The following PTK2 variants were observed in gnomAD, a reference collection of about 807,000 sequenced individuals.
PTK2 encodes the protein protein tyrosine kinase 2, also known as focal adhesion kinase 1.
In PTK2, 45 loss-of-function variants were observed where a neutral mutation model predicts 150.1. The observed-to-expected ratio is 0.30, with a 90% CI of 0.24 to 0.38. The LOEUF (loss-of-function observed/expected upper bound fraction) is 0.38. Ranked by LOEUF, PTK2 falls within the 10% of genes least tolerant of loss-of-function variation. The pLI is 1.00. For synonymous variants in PTK2, 432 were observed against 449.2 expected (o/e 0.96, Z 0.48); for missense variants, 919 against 1,307.3 (o/e 0.70, Z 4.58).
chr8:140,735,592 A>G (rs563050374), intron 21 of PTK2, 137 bp from the exon 25 acceptor site: 131 of 689,442 alleles, frequency 1.9e-4, no homozygotes, highest in Non-Finnish European at 2.7e-4. Context: ...AAGCAGCATT[A>G]TATTAACTCT....
chr8:140,810,490 A>G (rs2100100834), intron 10 of PTK2, among the ~76,000 whole-genome samples: 2 of 152,196 alleles, frequency 1.3e-5, no homozygotes, highest in African/African-American at 4.8e-5. Context: ...TAGCCCCTGC[A>G]GTGGCTGACC....
At chr8:141,000,087 T>TCATTCA in intron 1 of PTK2, among the ~76,000 whole-genome samples, 1 of 81,608 alleles carries the variant, frequency 1.2e-5, no homozygotes, top group Admixed American at 1.3e-4. Flanking sequence ...TGAAACCAAT[T>TCATTCA]CACACACACA....
At chr8:140,982,102 A>T (rs1260437294) in intron 1 of PTK2, among the ~76,000 whole-genome samples, 1 of 151,956 alleles carries the variant, frequency 6.6e-6, no homozygotes, top group Non-Finnish European at 1.5e-5. Flanking sequence ...TTAAAAACAG[A>T]CATGTACTGC....
intron 18 of PTK2, 29 bp downstream of exon 21, chr8:140,746,731 C>T (rs572622755): frequency 6.6e-7 from 1 of 1,517,588 alleles, no homozygotes; most frequent in African/African-American, 1.4e-5. Flanking sequence ...ACGCTGAGTC[C>T]AGAAGGTAAG....
At chr8:140,913,883 A>G (rs912484662) in intron 2 of PTK2, among the ~76,000 whole-genome samples, 4 of 152,212 alleles carry the variant, frequency 2.6e-5, no homozygotes, top group African/African-American at 9.6e-5. Flanking sequence ...TCAGTTGAAC[A>G]CTGTAATCAA....
intron 1 of PTK2, among the ~76,000 whole-genome samples, chr8:140,953,152 T>C (rs1164747003): frequency 6.6e-6 from 1 of 152,158 alleles, no homozygotes; most frequent in Admixed American, 6.5e-5. Flanking sequence ...GAGAATAAGA[T>C]ACAGCTATTC....
At chr8:140,746,184 TAGTC>T (rs1038541330) in intron 18 of PTK2, among the ~76,000 whole-genome samples, 26 of 151,860 alleles carry the variant, frequency 1.7e-4, no homozygotes, top group Non-Finnish European at 3.2e-4. Flanking sequence ...ATTAAAAAAT[TAGTC>T]AGGCATGGTG....
At chr8:140,928,624 G>A (rs1303186604) in intron 1 of PTK2, among the ~76,000 whole-genome samples, 1 of 152,190 alleles carries the variant, frequency 6.6e-6, no homozygotes, top group African/African-American at 2.4e-5. Flanking sequence ...CCTTGAAAAG[G>A]AAAGAAATTC....
intron 1 of PTK2, among the ~76,000 whole-genome samples, chr8:140,972,275 A>T (rs952825971): frequency 6.6e-6 from 1 of 151,652 alleles, no homozygotes; most frequent in African/African-American, 2.4e-5. Flanking sequence ...ATAATTGTTA[A>T]TTTTTTTTAG....
intron 1 of PTK2, among the ~76,000 whole-genome samples, chr8:140,965,972 A>C (rs2100185115): frequency 6.6e-6 from 1 of 152,224 alleles, no homozygotes; most frequent in Non-Finnish European, 1.5e-5. Context: ...CTATTAATTA[A>C]AACCAAAGTA....
Position 140,892,492 on chromosome 8 carries a change from T to C in PTK2, c.-32-1723A>G, listed in dbSNP as rs902006509. 6.3e-5 allele frequency: 19 copies of C among 303,834 alleles called. 2 individuals carry two copies. The Admixed American group carries it at 8.1e-4, about 13-fold the overall frequency. 18.8% of individuals were successfully genotyped at this position (303,834 alleles called of 1,614,324 possible). On this transcript the variant is annotated intron_variant, in intron 2 of 31. Coordinates refer to ENST00000522684, the Ensembl canonical transcript of PTK2. ...GGAAGGCTACAGTGAGCCGAGATCG[T>C]GCCACTGCTTTCCAGCCAGGGCGAC... is the stretch of plus-strand genomic sequence containing the variant.
At chr8:140,993,752 CAG>C (rs1345586717) in intron 1 of PTK2, among the ~76,000 whole-genome samples, 11 of 152,244 alleles carry the variant, frequency 7.2e-5, no homozygotes, top group African/African-American at 2.2e-4. Context: ...TTTTTTGAGA[CAG>C]AGTCTCACTA....
At chr8:140,749,090 C>T (rs1171302790) in intron 17 of PTK2, among the ~76,000 whole-genome samples, 1 of 152,178 alleles carries the variant, frequency 6.6e-6, no homozygotes, top group East Asian at 1.9e-4. Context: ...GGTGTTCTGT[C>T]TAGCTCACTT....
chr8:140,841,135 T>G lies in PTK2; in HGVS notation c.593+5125A>C, dbSNP rs570730379. Among the ~76,000 whole-genome samples, 4 of 152,276 alleles carry G rather than the reference T, an allele frequency of 2.6e-5. No individual in the cohort carries two copies. In the South Asian group the frequency reaches 6.2e-4, roughly 24 times the overall value. ...AAGTCATTATCACAGATGGGTATGT[T>G]AACAAGCTTGATTAGGAAGTGCATT... On this transcript the variant is annotated intron_variant, in intron 7 of 31. Transcript: ENST00000522684.
At chr8:140,873,113 C>A (rs1445130393) in intron 4 of PTK2, among the ~76,000 whole-genome samples, 1 of 152,186 alleles carries the variant, frequency 6.6e-6, no homozygotes, top group Admixed American at 6.5e-5. Flanking sequence ...GAGCTAGAGT[C>A]TCTGAAAGAG....
intron 26 of PTK2, among the ~76,000 whole-genome samples, chr8:140,698,900 C>T (rs2100028483): frequency 6.6e-6 from 1 of 151,152 alleles, no homozygotes; most frequent in Non-Finnish European, 1.5e-5. Context: ...TAGGCATGAG[C>T]CACTGCACCT....
intron 24 of PTK2, among the ~76,000 whole-genome samples, chr8:140,705,908 G>A (rs1474611822): frequency 2.0e-5 from 3 of 152,224 alleles, no homozygotes; most frequent in Admixed American, 1.3e-4. Context: ...CCCTGGTCCT[G>A]CCCACTCGAA....
intron 1 of PTK2, among the ~76,000 whole-genome samples, chr8:141,000,192 T>C (rs564359296): frequency 3.3e-5 from 5 of 149,492 alleles, no homozygotes; most frequent in African/African-American, 5.0e-5. Context: ...CGGCAAACAG[T>C]TGCGCCTAAG....
At position 140,669,472 on chromosome 8, in the gene PTK2, A is replaced by C. The variant is rs2094454799; in HGVS notation, c.2710-1048T>G. 9 of 481,244 alleles carry C rather than the reference A, an allele frequency of 1.9e-5. No homozygotes were observed. The Admixed American group carries it at 3.4e-4, about 18-fold the overall frequency. The allele number at this position is 481,244 out of a possible 1,614,324, so 29.8% of individuals were successfully genotyped here. ...TTGCCTAAGTAATCTGGAACAGATT[A>C]ATTCTTGGTTGTTCCAAAAGTCTGG... is the stretch of plus-strand genomic sequence containing the variant. On this transcript the variant is annotated intron_variant, in intron 29 of 31. Coordinates refer to ENST00000522684, the Ensembl canonical transcript of PTK2.
Sources: gnomAD v4.1 joint callset for allele counts (sites outside exome capture counted in the v4.1 genomes callset) on GRCh38, gnomAD v4.1.1 for gene constraint, MANE v1.5 for transcripts, NCBI Gene and HGNC (gene_info 2026-07-23, HGNC 2026-07-21) for gene names.